The following OTUD5 variants were observed in gnomAD, a reference collection of about 807,000 sequenced individuals.
The protein encoded by OTUD5 is OTU deubiquitinase 5.
In OTUD5, 2 loss-of-function variants were observed where a neutral mutation model predicts 36.3. That is an observed-to-expected ratio of 0.06 (90% confidence interval 0.02 to 0.17). OTUD5 has a LOEUF of 0.17. Ranked by LOEUF, OTUD5 falls within the 10% of genes least tolerant of loss-of-function variation. The pLI is 1.00. For missense variants in OTUD5, 233 were observed against 512.3 expected, an observed-to-expected ratio of 0.45 and a Z score of 5.26; for synonymous variants, 234 against 214.9, an observed-to-expected ratio of 1.09 and a Z score of -0.78.
intron 1 of OTUD5, among the ~76,000 whole-genome samples, chrX:48,950,880 C>T (rs1236574798): frequency 2.7e-5 from 3 of 110,563 alleles, no homozygotes; most frequent in African/African-American, 9.9e-5. Flanking sequence ...TTGTTTTAAA[C>T]CACCCAGTCT....
At chrX:48,924,943 A>G (rs2066637800) in intron 6 of OTUD5, among the ~76,000 whole-genome samples, 1 of 111,546 alleles carries the variant, frequency 9.0e-6, no homozygotes, top group Non-Finnish European at 1.9e-5. Flanking sequence ...TACTGAAAAC[A>G]GGGCCTGCCA....
intron 5 of OTUD5, among the ~76,000 whole-genome samples, chrX:48,928,747 T>C (rs868975267): frequency 9.4e-6 from 1 of 106,291 alleles, no homozygotes; most frequent in Non-Finnish European, 1.9e-5. Flanking sequence ...GGTGGGAGGA[T>C]TGCTTAAACC....
chrX:48,950,651 G>A (rs183579190), intron 1 of OTUD5, among the ~76,000 whole-genome samples: 3 of 102,487 alleles, frequency 2.9e-5, no homozygotes, highest in East Asian at 6.2e-4. Flanking sequence ...CCTCCAATCC[G>A]TCTCCTGGGT....
At chrX:48,943,626 T>C (rs1324313053) in intron 2 of OTUD5, among the ~76,000 whole-genome samples, 1 of 111,236 alleles carries the variant, frequency 9.0e-6, no homozygotes, top group Non-Finnish European at 1.9e-5. Context: ...ATATAAGAAA[T>C]TTGTAAAGAT....
intron 1 of OTUD5, among the ~76,000 whole-genome samples, chrX:48,954,163 T>C (rs1183662433): frequency 9.0e-6 from 1 of 110,828 alleles, no homozygotes; most frequent in East Asian, 2.8e-4. Context: ...GGTCTCGCTA[T>C]GTTGCCAAGC....
At chrX:48,950,349 G>A (rs2064114481) in intron 1 of OTUD5, among the ~76,000 whole-genome samples, 1 of 109,246 alleles carries the variant, frequency 9.2e-6, no homozygotes, top group African/African-American at 3.3e-5. Flanking sequence ...GAAGATGGAG[G>A]CAGAGATTAG....
In OTUD5 at chrX:48,923,940, T is replaced by C; in HGVS notation, c.1376A>G (p.His459Arg). The change falls in exon 7 of 9, where the codon CAC (histidine) becomes CGC (arginine). Residue 459 changes from histidine (H) to arginine (R), a missense_variant. Transcript: ENST00000376488. ...GCCCAATTCAGCATGCAGCTCAGGG[T>C]GCTCAGGTGACGAGGCTGAACTCCG... ...RQRSSASSPE[H>R]PELHAELGMK... 8.3e-7 allele frequency: 1 copy of C among 1,211,325 alleles called. No individual in the cohort carries two copies. The highest frequency in any genetic ancestry group is 1.1e-6 in the Non-Finnish European group (1 of 895,095).
At chrX:48,944,433 G>C (rs2063987361) in intron 1 of OTUD5, 150 bp from the exon 2 acceptor site, 1 of 440,521 alleles carries the variant, frequency 2.3e-6, no homozygotes, top group Non-Finnish European at 4.0e-6. Context: ...CTCCATGCAT[G>C]TGAAGTAGGA....
At chrX:48,930,962 CAAA>C (rs372046426) in intron 5 of OTUD5, among the ~76,000 whole-genome samples, 1 of 68,828 alleles carries the variant, frequency 1.5e-5, no homozygotes, top group African/African-American at 5.2e-5. Context: ...AACTCCCTCT[CAAA>C]AAAAAAAAAA....
intron 1 of OTUD5, among the ~76,000 whole-genome samples, chrX:48,953,241 T>G (rs2064177731): frequency 9.0e-6 from 1 of 111,420 alleles, no homozygotes; most frequent in African/African-American, 3.3e-5. Flanking sequence ...CCATCGAGCT[T>G]GTTCATTACA....
intron 2 of OTUD5, among the ~76,000 whole-genome samples, chrX:48,941,196 G>T (rs782367721): frequency 9.0e-6 from 1 of 110,663 alleles, no homozygotes; most frequent in Admixed American, 9.6e-5. Flanking sequence ...ACTTTGGGAG[G>T]CCAAAGCGGG....
intron 6 of OTUD5, among the ~76,000 whole-genome samples, chrX:48,925,518 A>C (rs953499660): frequency 9.0e-6 from 1 of 111,408 alleles, no homozygotes; most frequent in Non-Finnish European, 1.9e-5. Flanking sequence ...TTGAGGGCAG[A>C]GTAGTCCAGA....
At chrX:48,949,461 T>C (rs1357788077) in intron 1 of OTUD5, among the ~76,000 whole-genome samples, 1 of 111,211 alleles carries the variant, frequency 9.0e-6, no homozygotes, top group Non-Finnish European at 1.9e-5. Flanking sequence ...GTGGATCACC[T>C]GAGGTCAGGA....
intron 2 of OTUD5, among the ~76,000 whole-genome samples, chrX:48,942,154 A>G (rs782296325): frequency 9.3e-6 from 1 of 107,704 alleles, no homozygotes; most frequent in African/African-American, 3.4e-5. Flanking sequence ...TGCTCTTGAT[A>G]CGAGTTACTA....
At chrX:48,925,792 A>C (rs2063657673) in intron 6 of OTUD5, 55 bp downstream of exon 6, 2 of 1,026,920 alleles carry the variant, frequency 1.9e-6, no homozygotes, top group Non-Finnish European at 2.7e-6. Context: ...CTTGAGGGCA[A>C]AGCATGAGAA....
chrX:48,941,794 G>A (rs782429460), intron 2 of OTUD5, among the ~76,000 whole-genome samples: 21 of 111,713 alleles, frequency 1.9e-4, no homozygotes, highest in Non-Finnish European at 1.1e-4. Flanking sequence ...CCATCCAGGC[G>A]AGGCTGGAAA....
intron 6 of OTUD5, 139 bp downstream of exon 6, chrX:48,925,708 A>C (rs2063655826): frequency 1.0e-5 from 5 of 495,245 alleles, no homozygotes; most frequent in Middle Eastern, 5.8e-4. Context: ...AACTAAGACC[A>C]AGATGAGTTA....
intron 2 of OTUD5, among the ~76,000 whole-genome samples, chrX:48,943,016 G>A (rs781977318): frequency 9.8e-4 from 109 of 111,066 alleles, no homozygotes; most frequent in Non-Finnish European, 1.5e-3. Context: ...GGAGAGAATA[G>A]CAGACCAAGA....
chrX:48,937,968 G>A (rs1602396290), intron 2 of OTUD5, among the ~76,000 whole-genome samples: 2 of 111,977 alleles, frequency 1.8e-5, no homozygotes, highest in African/African-American at 3.2e-5. Flanking sequence ...TACCTTTAGC[G>A]AAACCAAAGG....
Sources: gnomAD v4.1 joint callset for allele counts (sites outside exome capture counted in the v4.1 genomes callset) on GRCh38, gnomAD v4.1.1 for gene constraint, MANE v1.5 for transcripts, NCBI Gene and HGNC (gene_info 2026-07-23, HGNC 2026-07-21) for gene names.